SLC36A1: variants seen among roughly 807,000 people sequenced by gnomAD.
The protein encoded by SLC36A1 is proton-coupled amino acid transporter 1.
In SLC36A1, 30 loss-of-function variants were observed where a neutral mutation model predicts 47.5. The observed-to-expected ratio is 0.63, with a 90% CI of 0.47 to 0.86. SLC36A1 has a LOEUF of 0.86. Ranked by LOEUF, SLC36A1 falls within the 40% of genes least tolerant of loss-of-function variation. The probability of loss-of-function intolerance (pLI) is 0.00; values close to 1 mark genes in which losing one functional copy is unlikely to be tolerated. For synonymous variants in SLC36A1, 255 were observed against 249.7 expected (o/e 1.02, Z -0.20); for missense variants, 517 against 606.0 (o/e 0.85, Z 1.54).
At chr5:151,544,571 G>A in the SLC36A1 span, 1 of 1,613,952 alleles carries the variant, frequency 6.2e-7, no homozygotes, top group Non-Finnish European at 8.5e-7. Context: ...GGGGTATAGA[G>A]GGTGATATTT....
At position 151,490,666 on chromosome 5, in the gene SLC36A1, A is replaced by G. The variant is rs563053410; in HGVS notation, c.*2412A>G. 6.6e-6 allele frequency: 1 copy of G among 152,334 alleles called. No individual in the cohort carries two copies. Among genetic ancestry groups the G allele is most frequent in the African/African-American group, 2.4e-5 (1 of 41,550 alleles). The allele number at this position is 152,334 out of a possible 1,614,324, so 9.4% of individuals were successfully genotyped here. ...TCTGGAAGCCAATTTGGCATGGCCT[A>G]TTTGATCTCTGGCTTGTGCTCCTGC... is the stretch of plus-strand genomic sequence containing the variant. On this transcript the variant is annotated 3_prime_UTR_variant, in exon 11 of 11. Transcript: ENST00000243389.
At chr5:151,464,697 A>T (rs1022330856) in intron 4 of SLC36A1, 95 bp downstream of exon 4, 1 of 1,004,460 alleles carries the variant, frequency 1.0e-6, no homozygotes, top group Non-Finnish European at 1.6e-6. Flanking sequence ...ACCACTCTCA[A>T]TTCTTTACAC....
intron 1 of SLC36A1, among the ~76,000 whole-genome samples, chr5:151,448,045 C>A (rs1249382018): frequency 6.6e-6 from 1 of 152,182 alleles, no homozygotes; most frequent in Non-Finnish European, 1.5e-5. Flanking sequence ...CCATCTAGGG[C>A]GTCTTTCACG....
chr5:151,526,703 A>C, the SLC36A1 span, among the ~76,000 whole-genome samples: 1 of 152,146 alleles, frequency 6.6e-6, no homozygotes. Context: ...CCTAACCCAT[A>C]CCCATAATAT....
intron 10 of SLC36A1, among the ~76,000 whole-genome samples, chr5:151,486,979 T>C (rs1759648795): frequency 6.6e-6 from 1 of 152,172 alleles, no homozygotes. Context: ...CATCATGACA[T>C]CTCTATGATT....
chr5:151,466,472 C>T (rs1756397152), intron 5 of SLC36A1, among the ~76,000 whole-genome samples: 1 of 152,334 alleles, frequency 6.6e-6, no homozygotes, highest in Non-Finnish European at 1.5e-5. Flanking sequence ...AGAGATTTAA[C>T]ACATTCTTTT....
the SLC36A1 span, among the ~76,000 whole-genome samples, chr5:151,421,173 TCTCCTTCCTTCC>T: frequency 6.4e-5 from 5 of 77,862 alleles, no homozygotes; most frequent in African/African-American, 2.8e-4. Flanking sequence ...ACGCCCTTTC[TCTCCTTCCTTCC>T]TTCCTTCCTT....
chr5:151,395,556 C>T, the SLC36A1 span, among the ~76,000 whole-genome samples: 1 of 152,158 alleles, frequency 6.6e-6, no homozygotes, highest in Non-Finnish European at 1.5e-5. Flanking sequence ...GCCACCTCCC[C>T]TTTTGAGTTT....
At chr5:151,511,312 T>C in the SLC36A1 span, 1 of 152,138 alleles carries the variant, frequency 6.6e-6, no homozygotes, top group Non-Finnish European at 1.5e-5. Context: ...ACCTCTCATG[T>C]TGTGTGTGAT....
At chr5:151,385,637 G>T in the SLC36A1 span, among the ~76,000 whole-genome samples, 71,847 of 151,828 alleles carry the variant, frequency 0.47, 18,294 homozygotes, top group African/African-American at 0.68. Flanking sequence ...TGGCAGAAGT[G>T]CAAAACCTTT....
chr5:151,554,263 C>T, the SLC36A1 span: 68 of 1,112,086 alleles, frequency 6.1e-5, no homozygotes, highest in Admixed American at 8.8e-4. Context: ...GTACCATTTC[C>T]CTTATGCTGG....
At chr5:151,401,825 A>G in the SLC36A1 span, among the ~76,000 whole-genome samples, 3 of 152,140 alleles carry the variant, frequency 2.0e-5, no homozygotes, top group Non-Finnish European at 4.4e-5. Flanking sequence ...AAACATTATC[A>G]ATGTATAGAA....
chr5:151,546,462 C>A, the SLC36A1 span: 2 of 640,564 alleles, frequency 3.1e-6, no homozygotes, highest in East Asian at 5.4e-5. Context: ...ATAGTGTATA[C>A]CCACCCTGGA....
chr5:151,479,212 G>C, intron 9 of SLC36A1, 108 bp from the exon 10 acceptor site: 3 of 1,224,890 alleles, frequency 2.4e-6, no homozygotes, highest in Non-Finnish European at 3.5e-6. Context: ...ATGTGGGTTT[G>C]TATCCTTGAT....
chr5:151,509,997 G>C, the SLC36A1 span: 1 of 1,610,106 alleles, frequency 6.2e-7, no homozygotes, highest in Non-Finnish European at 8.5e-7. Context: ...GGAGCCCATG[G>C]CAGGTGGCCT....
At chr5:151,382,070 T>G in the SLC36A1 span, 1 of 742,590 alleles carries the variant, frequency 1.3e-6, no homozygotes, top group South Asian at 1.7e-5. Flanking sequence ...GAGGCACTGA[T>G]GTAACCCCCA....
At chr5:151,545,693 A>C in the SLC36A1 span, 6 of 1,614,082 alleles carry the variant, frequency 3.7e-6, no homozygotes, top group African/African-American at 2.7e-5. Flanking sequence ...ATTTTGAAAA[A>C]CTTCAAGGCC....
At chr5:151,519,672 A>G in the SLC36A1 span, among the ~76,000 whole-genome samples, 4 of 152,204 alleles carry the variant, frequency 2.6e-5, no homozygotes, top group Non-Finnish European at 5.9e-5. Flanking sequence ...CTACACAGAT[A>G]TATTTGCTTT....
At chr5:151,428,787 C>G in the SLC36A1 span, among the ~76,000 whole-genome samples, 5 of 152,200 alleles carry the variant, frequency 3.3e-5, no homozygotes, top group Non-Finnish European at 7.3e-5. Flanking sequence ...CATGCGCCAT[C>G]ACACCCAGCT....
Sources: allele counts gnomAD v4.1 joint callset (sites outside exome capture counted in the v4.1 genomes callset), GRCh38; gene constraint gnomAD v4.1.1; transcripts MANE v1.5; gene names NCBI Gene and HGNC (gene_info 2026-07-23, HGNC 2026-07-21).